CCDC50: variants seen among roughly 807,000 people sequenced by gnomAD.
CCDC50 encodes coiled-coil domain containing 50.
A neutral mutation model predicts 70.2 loss-of-function variants in CCDC50; 54 were observed. The ratio of observed to expected loss-of-function variants is 0.77; its 90% CI spans 0.62 to 0.96. The LOEUF (loss-of-function observed/expected upper bound fraction) is 0.96. Ranked by LOEUF, CCDC50 falls within the 50% of genes least tolerant of loss-of-function variation. CCDC50 has a pLI of 0.00. For synonymous variants in CCDC50, 216 were observed against 198.8 expected (o/e 1.09, Z -0.73); for missense variants, 558 against 578.7 (o/e 0.96, Z 0.37).
At chr3:191,336,720 C>T (rs943033555) in intron 1 of CCDC50, among the ~76,000 whole-genome samples, 14 of 152,170 alleles carry the variant, frequency 9.2e-5, no homozygotes, top group Admixed American at 9.2e-4. Context: ...TATATACAGA[C>T]TATGTACTCA....
chr3:191,391,822 A>G lies in CCDC50; in HGVS notation c.*62A>G. 6.9e-7 allele frequency: 1 copy of G among 1,452,376 alleles called. No homozygotes were observed. Among genetic ancestry groups the G allele is most frequent in the Non-Finnish European group, 9.6e-7 (1 of 1,036,570 alleles). The allele number at this position is 1,452,376 out of a possible 1,614,324, so 90.0% of individuals were successfully genotyped here. A position where few individuals can be genotyped will look rare whatever the true frequency, so the allele number is the denominator to read the frequency against. ...AGCAAATATTACTGGGTGATACAGA[A>G]TGAATTCTACACTTACTTTTTTTCT... On this transcript the variant is annotated 3_prime_UTR_variant, in exon 12 of 12. Coordinates refer to ENST00000392455, the MANE Select transcript of CCDC50 (RefSeq NM_178335.3).
intron 1 of CCDC50, among the ~76,000 whole-genome samples, chr3:191,332,610 T>C (rs1718028593): frequency 6.6e-6 from 1 of 152,214 alleles, no homozygotes; most frequent in Admixed American, 6.5e-5. Context: ...TTTGCGAATG[T>C]TAGGGAAAGG....
At chr3:191,372,659 A>G (rs1712952742) in intron 5 of CCDC50, among the ~76,000 whole-genome samples, 2 of 152,168 alleles carry the variant, frequency 1.3e-5, no homozygotes. Flanking sequence ...ATTATCTATT[A>G]GAATGATTAT....
rs758591090 is a variant in CCDC50 at position 191,375,372 on chromosome 3, C to G, written c.759C>G (p.Asp253Glu). ...TGTTTCTGAGCACTGAATGTGATGA[C>G]TGGGAGACTAAGATTAACCATCAGA... ...GEVFLSTECD[D>E]WETKINHQTR... The change falls in exon 6 of 12, where the codon GAC (aspartate) becomes GAG (glutamate). Residue 253 changes from aspartate (D) to glutamate (E), a missense_variant. Physicochemically the swap from Asp to Glu is conservative, Grantham distance 45 (BLOSUM62 2). Coordinates refer to ENST00000392455, the MANE Select transcript of CCDC50 (RefSeq NM_178335.3). The G allele has an allele frequency of 3.1e-6, 5 of 1,613,738 alleles. No individual in the cohort carries two copies. Among genetic ancestry groups the G allele is most frequent in the South Asian group, 1.1e-5 (1 of 91,052 alleles).
Position 191,361,148 on chromosome 3 carries a change from A to G in CCDC50, c.319A>G (p.Lys107Glu). 6.2e-7 allele frequency: 1 copy of G among 1,612,846 alleles called. No individual in the cohort carries two copies. The highest frequency in any genetic ancestry group is 8.5e-7 in the Non-Finnish European group (1 of 1,178,946). Residue 107 changes from lysine (K) to glutamate (E), a missense_variant, in exon 4 of 12, where the codon AAG (lysine) becomes GAG (glutamate). Physicochemically the swap from Lys to Glu is moderately conservative, Grantham distance 56. Coordinates refer to ENST00000392455, the MANE Select transcript of CCDC50 (RefSeq NM_178335.3). ...IEAERRRIQE[K>E]KDEDIARLLQ... is the part of the protein sequence containing the mutation. ...GGCAGAGAGACGACGCATTCAGGAG[A>G]AGAAGGATGAGGTATAACTTAGTTA...
rs148925054 is a variant in CCDC50 at position 191,390,615 on chromosome 3, T to A, written c.1429+1013T>A. Among the ~76,000 whole-genome samples the A allele has an allele frequency of 2.9e-3, 446 of 152,294 alleles. 1 individual carries two copies. Among genetic ancestry groups the A allele is most frequent in the African/African-American group, 0.01 (428 of 41,548 alleles). On this transcript the variant is annotated intron_variant, in intron 11 of 11. Transcript: ENST00000392455. ...TTCCCATGGCATCTGTAACCTGTCATGGCTCTGGTGGGAGTGTCTTTTAGC... is the reference window on the plus strand; with the variant it reads ...TTCCCATGGCATCTGTAACCTGTCAAGGCTCTGGTGGGAGTGTCTTTTAGC...
chr3:191,352,932 C>T (rs1442165333), intron 1 of CCDC50, among the ~76,000 whole-genome samples: 1 of 139,526 alleles, frequency 7.2e-6, no homozygotes, highest in East Asian at 1.9e-4. Flanking sequence ...CTTCCTTTCT[C>T]CTACTCTTGT....
chr3:191,329,948 G>GA (rs1166285974), intron 1 of CCDC50, among the ~76,000 whole-genome samples: 1 of 143,486 alleles, frequency 7.0e-6, no homozygotes, highest in Admixed American at 7.0e-5. Flanking sequence ...TGGTTGGGGG[G>GA]GGGGGGGGCT....
intron 1 of CCDC50, among the ~76,000 whole-genome samples, chr3:191,350,181 A>T (rs184502768): frequency 7.1e-6 from 1 of 141,662 alleles, no homozygotes; most frequent in East Asian, 1.9e-4. Flanking sequence ...GTGAAAGTGC[A>T]TTGTAATTTA....
chr3:191,365,739 T>G (rs956925781), intron 4 of CCDC50, among the ~76,000 whole-genome samples: 3 of 152,160 alleles, frequency 2.0e-5, no homozygotes, highest in African/African-American at 4.8e-5. Context: ...AACTCCAGAT[T>G]TCCTCTTTTT....
chr3:191,338,097 G>A (rs960456192), intron 1 of CCDC50, among the ~76,000 whole-genome samples: 3 of 152,032 alleles, frequency 2.0e-5, no homozygotes, highest in Non-Finnish European at 2.9e-5. Context: ...AACTTTAGGA[G>A]TTTTAACTGC....
chr3:191,329,954 G>GGA (rs1717904995), intron 1 of CCDC50, among the ~76,000 whole-genome samples: 27 of 138,236 alleles, frequency 2.0e-4, no homozygotes, highest in East Asian at 4.6e-4. Flanking sequence ...GGGGGGGGGG[G>GGA]GGCTAGCAGC....
At chr3:191,341,010 G>T (rs947641396) in intron 1 of CCDC50, among the ~76,000 whole-genome samples, 1 of 150,442 alleles carries the variant, frequency 6.6e-6, no homozygotes, top group African/African-American at 2.5e-5. Context: ...TTTTTTGGTA[G>T]AGTGAGGGTC....
At chr3:191,358,171 T>G in intron 3 of CCDC50, 47 bp downstream of exon 3, 1 of 1,611,326 alleles carries the variant, frequency 6.2e-7, no homozygotes, top group Non-Finnish European at 8.5e-7. Context: ...TGGTTTTCTC[T>G]GTGGAGCTAG....
chr3:191,367,610 A>C (rs16848976), intron 4 of CCDC50, among the ~76,000 whole-genome samples: 9,029 of 152,192 alleles, frequency 0.059, 485 homozygotes, highest in East Asian at 0.25. Context: ...ATCAATCTTA[A>C]AGCCAAATGT....
chr3:191,385,958 A>G (rs369174), intron 10 of CCDC50, among the ~76,000 whole-genome samples: 1 of 151,856 alleles, frequency 6.6e-6, no homozygotes, highest in Admixed American at 6.6e-5. Flanking sequence ...ATTTCAAGGG[A>G]TCTGTACTCT....
At chr3:191,372,540 C>T (rs908604550) in intron 5 of CCDC50, among the ~76,000 whole-genome samples, 1 of 152,112 alleles carries the variant, frequency 6.6e-6, no homozygotes, top group Admixed American at 6.6e-5. Flanking sequence ...TTGTACTTCT[C>T]TGTATGCCTT....
In CCDC50 at chr3:191,370,128, G is replaced by A. The variant is rs1169206017; in HGVS notation, c.448+92G>A. 5 of 876,064 alleles carry A rather than the reference G, an allele frequency of 5.7e-6. No homozygotes were observed. In the South Asian group the frequency reaches 6.6e-5, roughly 12 times the overall value. 54.3% of individuals were successfully genotyped at this position (876,064 alleles called of 1,614,324 possible). A position where few individuals can be genotyped will look rare whatever the true frequency, so the allele number is the denominator to read the frequency against. ...GTTCATAAAGTGACCTTAGGGACCT[G>A]GGACTGTTTCTCTTATCCCCAGGCA... On this transcript the variant is annotated intron_variant, in intron 5 of 11. Coordinates refer to ENST00000392455, the MANE Select transcript of CCDC50 (RefSeq NM_178335.3).
chr3:191,356,444 A>G (rs1421642041), intron 1 of CCDC50, among the ~76,000 whole-genome samples: 1 of 152,180 alleles, frequency 6.6e-6, no homozygotes, highest in Non-Finnish European at 1.5e-5. Context: ...TGGTTTGTAG[A>G]TTATTTTGGG....
Sources: allele counts gnomAD v4.1 joint callset (sites outside exome capture counted in the v4.1 genomes callset), GRCh38; gene constraint gnomAD v4.1.1; transcripts MANE v1.5; gene names NCBI Gene and HGNC (gene_info 2026-07-23, HGNC 2026-07-21).